The following RIMS2 variants were observed in gnomAD, a reference collection of about 807,000 sequenced individuals.
The protein encoded by RIMS2 is regulating synaptic membrane exocytosis 2, also known as regulating synaptic membrane exocytosis protein 2.
RIMS2 carries 59 observed loss-of-function variants against 174.4 expected under a neutral mutation model. The ratio of observed to expected loss-of-function variants is 0.34; its 90% CI spans 0.27 to 0.42. RIMS2 has a LOEUF of 0.42. Among genes scored for constraint, RIMS2 ranks in the 10% least tolerant of loss-of-function variants. RIMS2 has a pLI of 1.00. For missense variants in RIMS2, 1,620 were observed against 1,666.3 expected (o/e 0.97, Z 0.48); for synonymous variants, 606 against 572.5 (o/e 1.06, Z -0.84).
intron 17 of RIMS2, among the ~76,000 whole-genome samples, chr8:104,003,067 C>CT (rs2095447814): frequency 1.3e-5 from 2 of 151,632 alleles, no homozygotes; most frequent in African/African-American, 4.8e-5. Flanking sequence ...TAAATATAAC[C>CT]TTTTTTAACA....
intron 3 of RIMS2, among the ~76,000 whole-genome samples, chr8:103,884,199 C>T (rs1476035933): frequency 4.0e-5 from 6 of 151,742 alleles, no homozygotes; most frequent in Admixed American, 6.6e-5. Flanking sequence ...TCTACTGTAT[C>T]CTTTATCTGC....
rs149065859 is a variant in RIMS2 at position 103,575,856 on chromosome 8, T to C, written c.176+74794T>C. 8.8e-3 allele frequency among the ~76,000 whole-genome samples: 1,344 copies of C among 152,186 alleles called. 77 individuals are homozygous for C. The highest frequency in any genetic ancestry group is 0.081 in the Admixed American group (1,233 of 15,276). On this transcript the variant is annotated intron_variant, in intron 1 of 23. Transcript: ENST00000504942. ...TCCCCACAATCTGCCTGGCACCAGA[T>C]ATGCCTAAAGTTTCCCCAAAACTAC...
chr8:104,247,803 G>A (rs555834020), intron 20 of RIMS2, among the ~76,000 whole-genome samples: 1 of 152,300 alleles, frequency 6.6e-6, no homozygotes, highest in Non-Finnish European at 1.5e-5. Flanking sequence ...TTGGAACATA[G>A]GTCTGTGGCC....
intron 1 of RIMS2, among the ~76,000 whole-genome samples, chr8:103,627,521 A>T (rs1038794185): frequency 3.9e-5 from 6 of 152,234 alleles, no homozygotes; most frequent in African/African-American, 1.4e-4. Context: ...TGTCCATGAA[A>T]TCTTCACAAT....
chr8:103,877,013 C>G (rs1311212895), intron 3 of RIMS2, among the ~76,000 whole-genome samples: 2 of 149,932 alleles, frequency 1.3e-5, no homozygotes, highest in Non-Finnish European at 3.0e-5. Flanking sequence ...TATGCTGCTA[C>G]AAACATGCAC....
exon 21 of RIMS2, chr8:104,248,703 T>G (rs2099348031): frequency 6.3e-7 from 1 of 1,576,918 alleles, no homozygotes; most frequent in East Asian, 2.2e-5. Context: ...GCTTTCAGTC[T>G]GATTTTCCCT....
At chr8:103,762,657 A>G (rs1295590486) in intron 2 of RIMS2, among the ~76,000 whole-genome samples, 1 of 152,206 alleles carries the variant, frequency 6.6e-6, no homozygotes, top group East Asian at 1.9e-4. Context: ...AAGGGCTACA[A>G]GTGAAAGTAT....
chr8:104,071,628 G>T (rs1598228155), intron 19 of RIMS2, among the ~76,000 whole-genome samples: 1 of 152,124 alleles, frequency 6.6e-6, no homozygotes, highest in Non-Finnish European at 1.5e-5. Flanking sequence ...AGTAGAGACG[G>T]GGTTTCACCG....
rs181647524 is a variant in RIMS2, at chr8:103,711,424, G to A, written c.387+14128G>A. On this transcript the variant is annotated intron_variant, in intron 2 of 23. Coordinates refer to ENST00000504942, the Ensembl canonical transcript of RIMS2. ...AGAATTAGAATTTGGATGTGAGATGGCCATTTGTGAATCATTATAATAGCA... is the reference window on the plus strand; with the variant it reads ...AGAATTAGAATTTGGATGTGAGATGACCATTTGTGAATCATTATAATAGCA... Among the ~76,000 whole-genome samples, 273 of 152,268 alleles carry A rather than the reference G, an allele frequency of 1.8e-3. 3 individuals carry two copies. The highest frequency in any genetic ancestry group is 4.9e-4 in the Non-Finnish European group (33 of 68,012).
intron 2 of RIMS2, among the ~76,000 whole-genome samples, chr8:103,708,584 C>G (rs998943795): frequency 7.2e-5 from 11 of 152,150 alleles, no homozygotes; most frequent in African/African-American, 2.7e-4. Flanking sequence ...TTCTCTTTCA[C>G]CATCTTGCTC....
chr8:103,806,897 GAC>G (rs997262724), intron 3 of RIMS2, among the ~76,000 whole-genome samples: 2 of 151,892 alleles, frequency 1.3e-5, no homozygotes, highest in African/African-American at 2.4e-5. Flanking sequence ...GTTGTTTTAA[GAC>G]AGAAAAAAAA....
chr8:104,064,807 A>C (rs1419446664), intron 19 of RIMS2, among the ~76,000 whole-genome samples: 1 of 151,992 alleles, frequency 6.6e-6, no homozygotes, highest in Non-Finnish European at 1.5e-5. Context: ...GTATTTGTCA[A>C]AGAAATTGGG....
chr8:103,603,462 G>C (rs978961107), intron 1 of RIMS2, among the ~76,000 whole-genome samples: 1 of 150,758 alleles, frequency 6.6e-6, no homozygotes, highest in African/African-American at 2.4e-5. Context: ...AAACATACGT[G>C]TGCATGTGTC....
intron 3 of RIMS2, among the ~76,000 whole-genome samples, chr8:103,792,636 GGTT>G (rs755446630): frequency 1.2e-4 from 9 of 74,240 alleles, no homozygotes; most frequent in Admixed American, 6.5e-4. Flanking sequence ...TCCAGGAGCT[GGTT>G]TTTTTTTTTT....
intron 19 of RIMS2, among the ~76,000 whole-genome samples, chr8:104,070,961 A>G (rs1007066311): frequency 2.6e-5 from 4 of 152,164 alleles, no homozygotes; most frequent in Admixed American, 6.5e-5. Flanking sequence ...AAGATCCCAC[A>G]TACCCATTAC....
chr8:103,708,615 C>G (rs757277465), intron 2 of RIMS2, among the ~76,000 whole-genome samples: 8 of 152,164 alleles, frequency 5.3e-5, no homozygotes, highest in Non-Finnish European at 1.0e-4. Context: ...AAATCATTCT[C>G]TCTTTCAATA....
chr8:103,665,165 T>A (rs2096653049), intron 1 of RIMS2, among the ~76,000 whole-genome samples: 3 of 152,136 alleles, frequency 2.0e-5, no homozygotes, highest in Non-Finnish European at 2.9e-5. Context: ...TTAGGAGAAA[T>A]ACCTAAAGTA....
intron 4 of RIMS2, among the ~76,000 whole-genome samples, chr8:103,896,412 A>T (rs2099278050): frequency 6.6e-6 from 1 of 151,660 alleles, no homozygotes; most frequent in Admixed American, 6.6e-5. Context: ...CTAGGTAAGA[A>T]GGTAACATAT....
intron 19 of RIMS2, among the ~76,000 whole-genome samples, chr8:104,092,626 A>G (rs2097682350): frequency 6.6e-6 from 1 of 151,886 alleles, no homozygotes; most frequent in South Asian, 2.1e-4. Flanking sequence ...AGCCTTTTAC[A>G]GGTTAAATGA....
Sources: gnomAD v4.1 joint callset for allele counts (sites outside exome capture counted in the v4.1 genomes callset) on GRCh38, gnomAD v4.1.1 for gene constraint, MANE v1.5 for transcripts, NCBI Gene and HGNC (gene_info 2026-07-23, HGNC 2026-07-21) for gene names.